The following SEC14L1 variants were observed in gnomAD, a reference collection of about 807,000 sequenced individuals.
SEC14L1 encodes SEC14 like lipid binding 1.
Under a neutral mutation model 85.3 loss-of-function variants are expected in SEC14L1, and 48 were observed. The observed-to-expected ratio is 0.56, with a 90% confidence interval of 0.45 to 0.72. SEC14L1 has a LOEUF of 0.72. Ranked by LOEUF, SEC14L1 falls within the 30% of genes least tolerant of loss-of-function variation. The pLI, the probability that SEC14L1 is intolerant of heterozygous loss-of-function variation, is 0.00. For synonymous variants in SEC14L1, 391 were observed against 355.5 expected, an observed-to-expected ratio of 1.10 and a Z score of -1.12; for missense variants, 682 against 921.4, an observed-to-expected ratio of 0.74 and a Z score of 3.36.
rs1976412891 is a variant in SEC14L1 at position 77,205,363 on chromosome 17, G to A, written c.1169+17G>A. On this transcript the variant is annotated intron_variant, in intron 11 of 16. Coordinates refer to ENST00000436233, the MANE Select transcript of SEC14L1 (RefSeq NM_001143998.2). Reference sequence around the variant, plus strand: ...GCCTATCAGGTAGATGTGGGATTTTGTTTTTCCTTTCAACTTACTGAGAAA... The same window carrying A: ...GCCTATCAGGTAGATGTGGGATTTTATTTTTCCTTTCAACTTACTGAGAAA... 1.2e-6 allele frequency: 2 copies of A among 1,607,734 alleles called. No individual in the cohort carries two copies. Among genetic ancestry groups the A allele is most frequent in the East Asian group, 4.5e-5 (2 of 44,850 alleles).
chr17:77,185,281 C>T (rs187712789), intron 3 of SEC14L1: 42 of 985,476 alleles, frequency 4.3e-5, no homozygotes, highest in African/African-American at 1.7e-5. Flanking sequence ...CGCTTGCTAA[C>T]TGCCCCTGAC....
intron 8 of SEC14L1, among the ~76,000 whole-genome samples, chr17:77,197,572 C>G (rs191489269): frequency 5.8e-4 from 88 of 151,950 alleles, no homozygotes; most frequent in African/African-American, 1.8e-3. Flanking sequence ...AGCACCATTG[C>G]CAGTCACGTA....
At chr17:77,091,643 A>G (rs892075463) in intron 2 of SEC14L1, among the ~76,000 whole-genome samples, 11 of 152,138 alleles carry the variant, frequency 7.2e-5, no homozygotes, top group African/African-American at 2.7e-4. Context: ...GTTGGTCTAC[A>G]GTGCATTAGA....
chr17:77,204,060 C>T (rs1191687538), intron 10 of SEC14L1, among the ~76,000 whole-genome samples: 1 of 152,152 alleles, frequency 6.6e-6, no homozygotes, highest in Non-Finnish European at 1.5e-5. Flanking sequence ...CCCATCATCT[C>T]GCTGACTCCA....
chr17:77,180,046 T>TGTTA (rs1974946818), intron 3 of SEC14L1, among the ~76,000 whole-genome samples: 59 of 121,100 alleles, frequency 4.9e-4, no homozygotes, highest in Admixed American at 3.7e-3. Context: ...ATGTTTTGTT[T>TGTTA]TGTTATGTTA....
chr17:77,196,096 G>A, intron 7 of SEC14L1, 106 bp from the exon 8 acceptor site: 1 of 791,190 alleles, frequency 1.3e-6, no homozygotes. Flanking sequence ...GGTTTCATGT[G>A]CCTCTAGGAC....
chr17:77,150,013 C>T (rs1598302216), intron 3 of SEC14L1, among the ~76,000 whole-genome samples: 1 of 152,166 alleles, frequency 6.6e-6, no homozygotes. Flanking sequence ...TTAAATACTG[C>T]TCCTTGCGGA....
At chr17:77,133,922 G>C (rs369987271) in intron 3 of SEC14L1, among the ~76,000 whole-genome samples, 3 of 132,484 alleles carry the variant, frequency 2.3e-5, no homozygotes, top group East Asian at 4.4e-4. Context: ...CTGGGCAACA[G>C]AGTGAGACTC....
intron 3 of SEC14L1, among the ~76,000 whole-genome samples, chr17:77,188,024 T>C (rs185180170): frequency 1.3e-5 from 2 of 152,316 alleles, no homozygotes; most frequent in East Asian, 3.9e-4. Context: ...GGTTTTAATA[T>C]GAATTCTGCA....
At chr17:77,143,227 T>C (rs1054171715) in intron 2 of SEC14L1, among the ~76,000 whole-genome samples, 3 of 152,212 alleles carry the variant, frequency 2.0e-5, no homozygotes, top group African/African-American at 7.2e-5. Context: ...TATTGGTTAT[T>C]AGAATAATAG....
chr17:77,211,823 C>A, intron 14 of SEC14L1, 127 bp from the exon 15 acceptor site: 3 of 1,179,566 alleles, frequency 2.5e-6, no homozygotes, highest in African/African-American at 1.5e-5. Context: ...TCCGTCCATA[C>A]GCATTCAGCG....
chr17:77,106,463 C>T (rs1252580479), intron 3 of SEC14L1, among the ~76,000 whole-genome samples: 4 of 151,646 alleles, frequency 2.6e-5, no homozygotes, highest in East Asian at 3.9e-4. Context: ...ACCCGGGAGG[C>T]GGAGGTTGCA....
chr17:77,162,590 T>G (rs1190403143), intron 3 of SEC14L1, among the ~76,000 whole-genome samples: 1 of 152,112 alleles, frequency 6.6e-6, no homozygotes, highest in Non-Finnish European at 1.5e-5. Flanking sequence ...CCCAGCACTT[T>G]GGGAGGCCGA....
intron 14 of SEC14L1, chr17:77,210,053 G>C (rs771129215): frequency 6.6e-6 from 1 of 152,324 alleles, no homozygotes; most frequent in Non-Finnish European, 1.5e-5. Flanking sequence ...ATGTTGGCCA[G>C]GCTGGTCTCG....
intron 3 of SEC14L1, among the ~76,000 whole-genome samples, chr17:77,109,415 G>T (rs1971998769): frequency 6.6e-6 from 1 of 152,216 alleles, no homozygotes; most frequent in African/African-American, 2.4e-5. Flanking sequence ...GTTACTGTTT[G>T]TTGTAAGGGT....
At chr17:77,100,283 C>T (rs989526811) in intron 3 of SEC14L1, among the ~76,000 whole-genome samples, 2 of 152,324 alleles carry the variant, frequency 1.3e-5, no homozygotes, top group Admixed American at 1.3e-4. Context: ...TCTGTACATG[C>T]GGCATTCACG....
At chr17:77,196,985 C>T (rs929668660) in intron 8 of SEC14L1, among the ~76,000 whole-genome samples, 5 of 152,174 alleles carry the variant, frequency 3.3e-5, no homozygotes, top group African/African-American at 4.8e-5. Flanking sequence ...TGCTGTTTTT[C>T]TCACTGGTTT....
chr17:77,130,858 G>A (rs977087859), intron 3 of SEC14L1, among the ~76,000 whole-genome samples: 3 of 152,132 alleles, frequency 2.0e-5, no homozygotes, highest in African/African-American at 4.8e-5. Context: ...CGCCCGCCTC[G>A]ACTTCCCAAA....
At chr17:77,129,944 G>A (rs1238761921) in intron 3 of SEC14L1, 1 of 152,166 alleles carries the variant, frequency 6.6e-6, no homozygotes, top group African/African-American at 2.4e-5. Context: ...TCCAGCAAAG[G>A]AAAGGGAGTG....
Sources: allele counts gnomAD v4.1 joint callset (sites outside exome capture counted in the v4.1 genomes callset), GRCh38; gene constraint gnomAD v4.1.1; transcripts MANE v1.5; gene names NCBI Gene and HGNC (gene_info 2026-07-23, HGNC 2026-07-21).